The following MBNL2 variants were observed in gnomAD, a reference collection of about 807,000 sequenced individuals.
MBNL2 encodes the protein muscleblind like splicing regulator 2, also known as muscleblind-like protein 2.
A neutral mutation model predicts 41.9 loss-of-function variants in MBNL2; 17 were observed. The observed-to-expected ratio is 0.41, with a 90% confidence interval of 0.28 to 0.61. MBNL2 has a LOEUF of 0.61. Ranked by LOEUF, MBNL2 falls within the 20% of genes least tolerant of loss-of-function variation. The pLI is 0.35. For synonymous variants in MBNL2, 195 were observed against 182.9 expected (o/e 1.07, Z -0.53); for missense variants, 336 against 505.6 (o/e 0.66, Z 3.22).
intron 1 of MBNL2, among the ~76,000 whole-genome samples, chr13:97,266,535 CCTT>C (rs1185013409): frequency 6.6e-6 from 1 of 152,200 alleles, no homozygotes; most frequent in East Asian, 1.9e-4. Context: ...CAGCCCCAGT[CCTT>C]CAGCTGGCAG....
intron 1 of MBNL2, among the ~76,000 whole-genome samples, chr13:97,263,121 G>A (rs753935958): frequency 1.4e-4 from 22 of 151,898 alleles, no homozygotes; most frequent in East Asian, 3.9e-4. Context: ...TTTCCTACAC[G>A]CCTCATTCCC....
At chr13:97,159,352 T>C in the MBNL2 span, among the ~76,000 whole-genome samples, 3 of 152,038 alleles carry the variant, frequency 2.0e-5, no homozygotes, top group African/African-American at 7.3e-5. Context: ...CTTTATCCAG[T>C]TTGCCAGTCT....
At chr13:97,387,130 C>T (rs1334523608) in intron 8 of MBNL2, among the ~76,000 whole-genome samples, 1 of 151,472 alleles carries the variant, frequency 6.6e-6, no homozygotes, top group Non-Finnish European at 1.5e-5. Flanking sequence ...TAACTTCCTT[C>T]TCCTGTCATG....
intron 1 of MBNL2, among the ~76,000 whole-genome samples, chr13:97,230,861 G>A (rs368241138): frequency 6.6e-6 from 1 of 152,284 alleles, no homozygotes; most frequent in East Asian, 1.9e-4. Context: ...TAGAGCCACA[G>A]AATATTAGAT....
At chr13:97,384,687 C>CTAT (rs1205270122) in intron 8 of MBNL2, among the ~76,000 whole-genome samples, 8 of 152,252 alleles carry the variant, frequency 5.3e-5, no homozygotes, top group African/African-American at 1.9e-4. Context: ...TAGCTTAGCC[C>CTAT]TATTTTTAGG....
the MBNL2 span, among the ~76,000 whole-genome samples, chr13:97,153,316 TGTGA>T: frequency 1.3e-5 from 2 of 151,316 alleles, no homozygotes; most frequent in African/African-American, 2.5e-5. Context: ...TGAGCGTGTG[TGTGA>T]GTGTGTGTGT....
intron 8 of MBNL2, among the ~76,000 whole-genome samples, chr13:97,388,336 T>TATA (rs2066107907): frequency 6.7e-6 from 1 of 149,000 alleles, no homozygotes; most frequent in Non-Finnish European, 1.5e-5. Flanking sequence ...TATATATATA[T>TATA]CATTGGTATG....
the MBNL2 span, among the ~76,000 whole-genome samples, chr13:97,197,846 T>G: frequency 1.3e-5 from 2 of 152,218 alleles, no homozygotes; most frequent in Non-Finnish European, 2.9e-5. Context: ...GTTTTGTGGT[T>G]GTTTTTATTT....
intron 1 of MBNL2, among the ~76,000 whole-genome samples, chr13:97,235,228 T>C (rs2043054678): frequency 6.6e-6 from 1 of 152,266 alleles, no homozygotes; most frequent in South Asian, 2.1e-4. Context: ...TTTTTTCCTC[T>C]GTACTAGTAT....
In MBNL2 at chr13:97,268,260, G is replaced by A. The variant is rs368426702; in HGVS notation, c.-604-7372G>A. On this transcript the variant is annotated intron_variant, in intron 1 of 8. Transcript: ENST00000679496. The surrounding 1 kb of genome is among the most constrained non-coding windows in gnomAD (Gnocchi z 4.6). ...CAGGCGTGCGCCACCATGCACGCCC[G>A]GCTAAATTTTTTTCTATTTTTTGTA... 2.6e-5 allele frequency among the ~76,000 whole-genome samples: 4 copies of A among 152,084 alleles called. No homozygotes were observed. The highest frequency in any genetic ancestry group is 6.5e-5 in the Admixed American group (1 of 15,272).
the MBNL2 span, among the ~76,000 whole-genome samples, chr13:97,204,178 AG>A: frequency 6.6e-6 from 1 of 152,140 alleles, no homozygotes; most frequent in African/African-American, 2.4e-5. Flanking sequence ...TCTGGGAGAA[AG>A]CAACCATGTG....
chr13:97,224,785 G>A (rs1237701322), intron 1 of MBNL2, among the ~76,000 whole-genome samples: 1 of 152,128 alleles, frequency 6.6e-6, no homozygotes, highest in Non-Finnish European at 1.5e-5. Flanking sequence ...ACTCTACTTT[G>A]TGCTCATGTA....
At chr13:97,160,389 A>C in the MBNL2 span, among the ~76,000 whole-genome samples, 2 of 152,226 alleles carry the variant, frequency 1.3e-5, no homozygotes, top group Admixed American at 6.5e-5. Flanking sequence ...GTTAAGTATA[A>C]GTCCACTGAA....
chr13:97,199,871 C>A, the MBNL2 span, among the ~76,000 whole-genome samples: 1 of 152,300 alleles, frequency 6.6e-6, no homozygotes, highest in South Asian at 2.1e-4. Context: ...ATGATAAAAC[C>A]TAAGGGACTC....
intron 2 of MBNL2, among the ~76,000 whole-genome samples, chr13:97,319,329 G>C (rs1432747789): frequency 1.3e-5 from 2 of 152,144 alleles, no homozygotes; most frequent in Non-Finnish European, 2.9e-5. Flanking sequence ...TGATTCTGGG[G>C]ACTTGGGTCT....
At chr13:97,143,849 T>C in the MBNL2 span, among the ~76,000 whole-genome samples, 1 of 152,122 alleles carries the variant, frequency 6.6e-6, no homozygotes, top group Admixed American at 6.5e-5. Flanking sequence ...TTTTGGTTTG[T>C]TTTGATTTTT....
chr13:97,306,991 G>C (rs1450247767), intron 2 of MBNL2, among the ~76,000 whole-genome samples: 1 of 152,136 alleles, frequency 6.6e-6, no homozygotes, highest in East Asian at 1.9e-4. Context: ...TGCATGCCCA[G>C]CCCTGTAGAC....
At chr13:97,247,780 T>A (rs1257702839) in intron 1 of MBNL2, among the ~76,000 whole-genome samples, 1 of 152,246 alleles carries the variant, frequency 6.6e-6, no homozygotes, top group Non-Finnish European at 1.5e-5. Context: ...AATAGCTTCA[T>A]AAGCAGTTAA....
intron 1 of MBNL2, among the ~76,000 whole-genome samples, chr13:97,242,713 AG>A (rs1407281262): frequency 6.6e-6 from 1 of 151,198 alleles, no homozygotes; most frequent in Non-Finnish European, 1.5e-5. Flanking sequence ...GTTGGGGATG[AG>A]GGTACCTAAG....
Sources: allele counts gnomAD v4.1 joint callset (sites outside exome capture counted in the v4.1 genomes callset), GRCh38; gene constraint gnomAD v4.1.1; non-coding constraint Gnocchi (gnomAD v3.1); transcripts MANE v1.5; gene names NCBI Gene and HGNC (gene_info 2026-07-23, HGNC 2026-07-21).